NFASC: variants seen among roughly 807,000 people sequenced by gnomAD.
NFASC encodes neurofascin, also known as neurofascin homolog.
Under a neutral mutation model 147.5 loss-of-function variants are expected in NFASC, and 43 were observed. The ratio of observed to expected loss-of-function variants is 0.29; its 90% CI spans 0.23 to 0.38. The LOEUF is 0.38. NFASC is among the 10% of genes least tolerant of loss of function. NFASC has a pLI of 1.00. For missense variants in NFASC, 1,320 were observed against 1,689.0 expected (o/e 0.78, Z 3.83); for synonymous variants, 622 against 665.5 (o/e 0.93, Z 1.01).
chr1:204,976,776 G>A lies in NFASC; in HGVS notation c.1812G>A (p.Lys604=). 1 of 1,613,896 alleles carries A rather than the reference G, an allele frequency of 6.2e-7. No individual in the cohort carries two copies. Among genetic ancestry groups the A allele is most frequent in the Non-Finnish European group, 8.5e-7 (1 of 1,179,874 alleles). ...CCGAGCTAGACCAAGACCTGGCCAA[G>A]GCCTACCTCACCGTGCTAGGTAACT... ...ASTELDQDLA[K]AYLTVLADQA... The change falls in exon 16 of 30, where the codon AAG becomes AAA. Residue 604 remains lysine (K), a synonymous_variant. Transcript: ENST00000339876.
chr1:205,012,947 G>A (rs932692368), intron 29 of NFASC, 81 bp downstream of exon 29: 43 of 1,008,256 alleles, frequency 4.3e-5, no homozygotes, highest in African/African-American at 2.5e-4. Flanking sequence ...GAGTAGCTCC[G>A]CTTGGCTGAG....
intron 26 of NFASC, among the ~76,000 whole-genome samples, chr1:205,002,114 T>G (rs1018978219): frequency 9.9e-5 from 15 of 152,174 alleles, no homozygotes; most frequent in Non-Finnish European, 1.8e-4. Context: ...CACACACTTT[T>G]TCTGATGTGG....
intron 2 of NFASC, among the ~76,000 whole-genome samples, chr1:204,933,682 G>C (rs1288088254): frequency 1.3e-5 from 2 of 152,006 alleles, no homozygotes; most frequent in African/African-American, 4.8e-5. Context: ...ACTAGATTCA[G>C]CCAGTGGGAG....
At chr1:204,940,307 G>A (rs1354458816) in intron 2 of NFASC, among the ~76,000 whole-genome samples, 1 of 152,126 alleles carries the variant, frequency 6.6e-6, no homozygotes, top group Non-Finnish European at 1.5e-5. Flanking sequence ...ACAAAATTTA[G>A]CTGGGTGTGG....
intron 1 of NFASC, among the ~76,000 whole-genome samples, chr1:204,852,888 G>A (rs1299896999): frequency 6.6e-6 from 1 of 152,166 alleles, no homozygotes; most frequent in Non-Finnish European, 1.5e-5. Flanking sequence ...TTTTGGGGAC[G>A]GGGGCAGTGA....
Position 204,954,470 on chromosome 1 carries a change from C to G in NFASC, c.412+86C>G. On this transcript the variant is annotated intron_variant, in intron 6 of 29. Coordinates refer to ENST00000339876, the MANE Select transcript of NFASC (RefSeq NM_001005388.3). This position sits in a 1 kb window ranked among gnomAD's most constrained non-coding sequence, Gnocchi z 5.7. ...GTGGAAGGCCATTCCAGAAGGGCTG[C>G]CCCTGCCCTTGGCCTGCAGTTGCCT... The G allele has an allele frequency of 7.7e-6, 10 of 1,304,342 alleles. No homozygotes were observed. The highest frequency in any genetic ancestry group is 1.1e-5 in the Non-Finnish European group (10 of 940,198). 80.8% of individuals were successfully genotyped at this position (1,304,342 alleles called of 1,614,324 possible). A position where few individuals can be genotyped will look rare whatever the true frequency, so the allele number is the denominator to read the frequency against.
rs902096596 is a variant in NFASC at position 204,905,851 on chromosome 1, C to T, written c.-199-14781C>T. 2.5e-4 allele frequency among the ~76,000 whole-genome samples: 38 copies of T among 152,242 alleles called. No individual in the cohort carries two copies. The South Asian group carries it at 2.9e-3, about 12-fold the overall frequency. Reference sequence around the variant, plus strand: ...ACATTAGAGGTGATACAAAACTTTTCGCAAAGTGGTTGCAATATATAAGAA... The same window carrying T: ...ACATTAGAGGTGATACAAAACTTTTTGCAAAGTGGTTGCAATATATAAGAA... On this transcript the variant is annotated intron_variant, in intron 1 of 29. Transcript: ENST00000339876.
At position 205,021,224 on chromosome 1, in the gene NFASC, A is replaced by AG. The variant is rs900853506; in HGVS notation, c.*4686dup. The AG allele has an allele frequency of 2.0e-5, 3 of 152,706 alleles. No homozygotes were observed. The highest frequency in any genetic ancestry group is 7.2e-5 in the African/African-American group (3 of 41,558). The allele number at this position is 152,706 out of a possible 1,614,324, so 9.5% of individuals were successfully genotyped here. ...CTTTGTGGCTGTCCCCAGCCTGCAC[A>AG]GCCCAAGCCCAGGGAAGTGTCCTTT... On this transcript the variant is annotated 3_prime_UTR_variant, in exon 30 of 30. Transcript: ENST00000339876.
At chr1:204,929,922 T>G (rs539498163) in intron 2 of NFASC, among the ~76,000 whole-genome samples, 1 of 152,192 alleles carries the variant, frequency 6.6e-6, no homozygotes, top group Admixed American at 6.5e-5. Context: ...GGAACACGGC[T>G]GGGTCACCAT....
At chr1:204,875,731 A>G (rs1015550944) in intron 1 of NFASC, among the ~76,000 whole-genome samples, 6 of 152,130 alleles carry the variant, frequency 3.9e-5, no homozygotes, top group African/African-American at 1.4e-4. Context: ...TGTAAGTGAC[A>G]TGGTAATGGC....
rs963059366 is a variant in NFASC at position 204,974,707 on chromosome 1, A to G, written c.1442A>G (p.Tyr481Cys). 1 of 1,614,236 alleles carries G rather than the reference A, an allele frequency of 6.2e-7. No individual in the cohort carries two copies. The highest frequency in any genetic ancestry group is 8.5e-7 in the Non-Finnish European group (1 of 1,180,042). Residue 481 changes from tyrosine (Y) to cysteine (C), a missense_variant, in exon 14 of 30, where the codon TAT becomes TGT. By Grantham distance (194) the Tyr-to-Cys change is radical. Transcript: ENST00000339876. ...SNLDGGNYHV[Y>C]ENGSLEIKMI... Reference sequence around the variant, plus strand: ...CTGGATGGTGGCAACTACCATGTTTATGAGAACGGCAGTCTGGAAATTAAG... The same window carrying G: ...CTGGATGGTGGCAACTACCATGTTTGTGAGAACGGCAGTCTGGAAATTAAG...
intron 3 of NFASC, among the ~76,000 whole-genome samples, chr1:204,948,119 G>A (rs1207248986): frequency 6.6e-6 from 1 of 152,248 alleles, no homozygotes; most frequent in African/African-American, 2.4e-5. Context: ...GGAAAGAAAA[G>A]AGGCACACGA....
At chr1:204,920,569 C>A in intron 1 of NFASC, 63 bp from the exon 2 acceptor site, 7 of 787,096 alleles carry the variant, frequency 8.9e-6, no homozygotes, top group Non-Finnish European at 1.2e-5. Flanking sequence ...ACCACAAAGG[C>A]TTTTTTTTTT....
chr1:204,904,819 T>C (rs35029385), intron 1 of NFASC, among the ~76,000 whole-genome samples: 28,864 of 152,170 alleles, frequency 0.19, 3,270 homozygotes, highest in Non-Finnish European at 0.26. Context: ...CATTGGTCCA[T>C]GCAGGTCCCA....
chr1:204,969,751 A>C (rs531553421), intron 10 of NFASC, among the ~76,000 whole-genome samples: 2 of 152,108 alleles, frequency 1.3e-5, no homozygotes, highest in South Asian at 4.1e-4. Context: ...ATATTCACAA[A>C]ATTGTCTAAA....
chr1:204,948,398 C>T (rs571269751), intron 3 of NFASC, among the ~76,000 whole-genome samples: 4 of 152,184 alleles, frequency 2.6e-5, no homozygotes, highest in Non-Finnish European at 4.4e-5. Context: ...GTAGATTCTC[C>T]AGAGGTCCTT....
chr1:204,841,177 A>G (rs1675236057), intron 1 of NFASC, among the ~76,000 whole-genome samples: 2 of 152,202 alleles, frequency 1.3e-5, no homozygotes, highest in South Asian at 4.1e-4. Context: ...ACTGTCCTAG[A>G]TGCTTGACTT....
intron 1 of NFASC, among the ~76,000 whole-genome samples, chr1:204,846,952 C>CGTGTGTGTCTGTGTGT (rs2075214238): frequency 8.0e-6 from 1 of 124,586 alleles, no homozygotes; most frequent in African/African-American, 3.1e-5. Flanking sequence ...TGTGTGTACG[C>CGTGTGTGTCTGTGTGT]GTGTGTGTGT....
intron 1 of NFASC, among the ~76,000 whole-genome samples, chr1:204,875,388 A>G (rs1193612338): frequency 6.6e-6 from 1 of 152,110 alleles, no homozygotes. Context: ...TGGCAACACT[A>G]CTGAGGCTGT....
Sources: gnomAD v4.1 joint callset for allele counts (sites outside exome capture counted in the v4.1 genomes callset) on GRCh38, gnomAD v4.1.1 for gene constraint, Gnocchi (gnomAD v3.1) non-coding constraint, MANE v1.5 for transcripts, NCBI Gene and HGNC (gene_info 2026-07-23, HGNC 2026-07-21) for gene names.